Variants in ZSWIM6 observed in about 807,000 individuals in gnomAD.
ZSWIM6 encodes zinc finger SWIM-type containing 6, also known as zinc finger SWIM domain-containing protein 6.
A neutral mutation model predicts 113.2 loss-of-function variants in ZSWIM6; 9 were observed. The ratio of observed to expected loss-of-function variants is 0.08; its 90% CI spans 0.05 to 0.14. The LOEUF (loss-of-function observed/expected upper bound fraction) is 0.14. Ranked by LOEUF, ZSWIM6 falls within the 10% of genes least tolerant of loss-of-function variation. The probability of loss-of-function intolerance (pLI) is 1.00; values close to 1 mark genes in which losing one functional copy is unlikely to be tolerated. For missense variants in ZSWIM6, 1,162 were observed against 1,552.2 expected (o/e 0.75, Z 4.22); for synonymous variants, 611 against 606.5 (o/e 1.01, Z -0.11).
Position 61,413,023 on chromosome 5 carries a change from T to A in ZSWIM6, c.677-59658T>A, listed in dbSNP as rs189846424. Among the ~76,000 whole-genome samples, 134 of 151,750 alleles carry A rather than the reference T, an allele frequency of 8.8e-4. 1 individual carries two copies. Among genetic ancestry groups the A allele is most frequent in the South Asian group, 3.7e-3 (18 of 4,818 alleles). On this transcript the variant is annotated intron_variant, in intron 1 of 13. Transcript: ENST00000252744. ...CTTTTTTTTTCCTTATTTTTTCTTT[T>A]TTATTATTATTATTATACTTTAAGT...
chr5:61,513,715 T>C (rs1355636293), intron 4 of ZSWIM6, among the ~76,000 whole-genome samples: 4 of 152,132 alleles, frequency 2.6e-5, no homozygotes, highest in African/African-American at 9.6e-5. Context: ...CAACACCAGT[T>C]GTTGAAAAAA....
intron 1 of ZSWIM6, among the ~76,000 whole-genome samples, chr5:61,445,334 T>G (rs950360713): frequency 5.3e-5 from 8 of 152,180 alleles, no homozygotes; most frequent in African/African-American, 1.9e-4. Flanking sequence ...ATAATTTCTT[T>G]TCAGCTATAA....
rs147247133 is a variant in ZSWIM6, at chr5:61,482,028, C to T, written c.1034-8758C>T. 5.8e-4 allele frequency among the ~76,000 whole-genome samples: 88 copies of T among 152,214 alleles called. 1 individual carries two copies. The highest frequency in any genetic ancestry group is 1.8e-3 in the African/African-American group (76 of 41,534). On this transcript the variant is annotated intron_variant, in intron 2 of 13. Transcript: ENST00000252744. Reference sequence around the variant, plus strand: ...CATTCAGATTCTGGTTCCTGCCCAACGGTGGGAATATCTAACAGCAAATGT... The same window carrying T: ...CATTCAGATTCTGGTTCCTGCCCAATGGTGGGAATATCTAACAGCAAATGT...
chr5:61,410,387 G>T (rs577414095), intron 1 of ZSWIM6, among the ~76,000 whole-genome samples: 2 of 145,434 alleles, frequency 1.4e-5, no homozygotes, highest in East Asian at 4.1e-4. Flanking sequence ...TCGGCTCACT[G>T]CAACCTCTGA....
At chr5:61,380,137 G>A (rs1745445926) in intron 1 of ZSWIM6, among the ~76,000 whole-genome samples, 2 of 151,950 alleles carry the variant, frequency 1.3e-5, no homozygotes, top group South Asian at 2.1e-4. Flanking sequence ...GTGCAGTGGC[G>A]TGATCACAGC....
At chr5:61,366,175 C>T (rs1037193481) in intron 1 of ZSWIM6, among the ~76,000 whole-genome samples, 5 of 152,204 alleles carry the variant, frequency 3.3e-5, no homozygotes, top group East Asian at 1.9e-4. Context: ...GGATTACAAG[C>T]GTGAACCACC....
intron 1 of ZSWIM6, among the ~76,000 whole-genome samples, chr5:61,336,366 T>C (rs1359891073): frequency 6.6e-6 from 1 of 152,112 alleles, no homozygotes; most frequent in East Asian, 1.9e-4. Flanking sequence ...ATTTAGAAGT[T>C]ACATAAAAAA....
intron 1 of ZSWIM6, among the ~76,000 whole-genome samples, chr5:61,419,668 G>T (rs1201215527): frequency 6.6e-6 from 1 of 152,154 alleles, no homozygotes; most frequent in East Asian, 1.9e-4. Context: ...TTCCATCATT[G>T]TAGAAAATTC....
At chr5:61,506,283 A>T (rs141300367) in intron 4 of ZSWIM6, among the ~76,000 whole-genome samples, 137 of 152,264 alleles carry the variant, frequency 9.0e-4, no homozygotes, top group African/African-American at 3.2e-3. Context: ...TGTTTTCCCC[A>T]GTTAAAAGTT....
At chr5:61,431,818 G>A (rs754731614) in intron 1 of ZSWIM6, among the ~76,000 whole-genome samples, 2 of 152,214 alleles carry the variant, frequency 1.3e-5, no homozygotes, top group Non-Finnish European at 2.9e-5. Context: ...ATTAAAGAAT[G>A]AGGCTTAATT....
intron 1 of ZSWIM6, among the ~76,000 whole-genome samples, chr5:61,378,490 G>A (rs1745414801): frequency 6.6e-6 from 1 of 152,102 alleles, no homozygotes; most frequent in Non-Finnish European, 1.5e-5. Flanking sequence ...GGATTCACAA[G>A]AAAATGGTAG....
intron 4 of ZSWIM6, among the ~76,000 whole-genome samples, chr5:61,499,772 C>T (rs898043131): frequency 1.3e-5 from 2 of 152,068 alleles, no homozygotes; most frequent in Non-Finnish European, 2.9e-5. Context: ...TGCTTAAAAG[C>T]GGAGAAGAGG....
At chr5:61,409,076 T>C (rs1746102831) in intron 1 of ZSWIM6, among the ~76,000 whole-genome samples, 1 of 116,506 alleles carries the variant, frequency 8.6e-6, no homozygotes, top group Admixed American at 8.4e-5. Context: ...GAAAGGTTTT[T>C]TTTTTTTTTT....
intron 1 of ZSWIM6, among the ~76,000 whole-genome samples, chr5:61,364,246 C>A (rs1579954689): frequency 6.6e-6 from 1 of 152,100 alleles, no homozygotes; most frequent in Middle Eastern, 3.4e-3. Context: ...TAGCATACTC[C>A]ATCCCCTCTA....
In ZSWIM6 at chr5:61,332,866, C is replaced by A; in HGVS notation, c.594C>A (p.Asp198Glu). 8.1e-7 allele frequency: 1 copy of A among 1,233,102 alleles called. No individual in the cohort carries two copies. Among genetic ancestry groups the A allele is most frequent in the South Asian group, 2.0e-5 (1 of 49,130 alleles). 76.4% of individuals were successfully genotyped at this position (1,233,102 alleles called of 1,614,324 possible). A position where few individuals can be genotyped will look rare whatever the true frequency, so the allele number is the denominator to read the frequency against. ...APSVGAAGAA[D>E]GGDETRLPFR... The stretch of plus-strand genomic sequence containing the variant: ...CGGTGGGGGCTGCCGGGGCGGCGGA[C>A]GGCGGCGACGAGACGCGGCTGCCTT... Residue 198 changes from aspartate to glutamate, a missense_variant, in exon 1 of 14, where the codon GAC (aspartate) becomes GAA (glutamate). By Grantham distance (45) the Asp-to-Glu change is conservative. Around this residue, in one of 4 missense-constraint regions of ZSWIM6, gnomAD observed 333 missense variants for 293.4 expected, o/e 1.13. Transcript: ENST00000252744.
intron 1 of ZSWIM6, among the ~76,000 whole-genome samples, chr5:61,467,252 A>T (rs1162236394): frequency 6.6e-6 from 1 of 152,228 alleles, no homozygotes; most frequent in Non-Finnish European, 1.5e-5. Context: ...TATATCAAAT[A>T]ACAGTAATAA....
chr5:61,376,505 C>T (rs577026118), intron 1 of ZSWIM6, among the ~76,000 whole-genome samples: 118 of 137,476 alleles, frequency 8.6e-4, no homozygotes, highest in African/African-American at 3.0e-3. Flanking sequence ...TGGATGCTGT[C>T]ATATGCTGCT....
intron 1 of ZSWIM6, among the ~76,000 whole-genome samples, chr5:61,401,844 T>G (rs190542216): frequency 1.3e-5 from 2 of 152,324 alleles, no homozygotes; most frequent in African/African-American, 4.8e-5. Context: ...ATAATATCAC[T>G]GCCCAAATGT....
At chr5:61,358,493 C>T (rs184775731) in intron 1 of ZSWIM6, among the ~76,000 whole-genome samples, 1 of 152,306 alleles carries the variant, frequency 6.6e-6, no homozygotes, top group East Asian at 1.9e-4. Flanking sequence ...GTCTTAGAAT[C>T]CAGTTATGTG....
Sources: allele counts gnomAD v4.1 joint callset (sites outside exome capture counted in the v4.1 genomes callset), GRCh38; gene constraint gnomAD v4.1.1; regional missense constraint gnomAD v4.1.1; transcripts MANE v1.5; gene names NCBI Gene and HGNC (gene_info 2026-07-23, HGNC 2026-07-21).